Variants in PURB observed in about 807,000 individuals in gnomAD.
PURB encodes the protein purine rich element binding protein B, also known as transcriptional regulator protein Pur-beta.
In PURB, 11 loss-of-function variants were observed where a neutral mutation model predicts 21.1. The ratio of observed to expected loss-of-function variants is 0.52; its 90% confidence interval spans 0.33 to 0.86. The LOEUF (loss-of-function observed/expected upper bound fraction) is 0.86. Among genes scored for constraint, PURB ranks in the 40% least tolerant of loss-of-function variants. The probability of loss-of-function intolerance (pLI) is 0.02; values close to 1 mark genes in which losing one functional copy is unlikely to be tolerated. For synonymous variants in PURB, 246 were observed against 210.8 expected (o/e 1.17, Z -1.45); for missense variants, 357 against 456.5 (o/e 0.78, Z 1.99).
rs1401345116 is a variant in PURB, at chr7:44,884,845, G to A, written c.504C>T (p.Ser168=). 2.6e-6 allele frequency: 4 copies of A among 1,566,596 alleles called. No individual in the cohort carries two copies. Among genetic ancestry groups the A allele is most frequent in the Middle Eastern group, 1.7e-4 (1 of 6,006 alleles). The change falls in exon 1 of 1, where the codon AGC becomes AGT. Residue 168 remains serine (S), a synonymous_variant. Transcript: ENST00000395699. The part of the protein sequence containing the change: ...GAGPGPGGLQ[S]GQTIALPAQG... ...GCGCAGGCAGCGCGATGGTCTGGCCGCTCTGCAAGCCGCCCGGCCCGGGGC... is the reference window on the plus strand; with the variant it reads ...GCGCAGGCAGCGCGATGGTCTGGCCACTCTGCAAGCCGCCCGGCCCGGGGC...
At position 44,884,144 on chromosome 7, in the gene PURB, A is replaced by G. The variant is rs1793920416; in HGVS notation, c.*266T>C. ...ACGAACCTCAGTTGAGAAACAACAGAAGCTGAGACAATTTTACGCAGGTGA... is the reference window on the plus strand; with the variant it reads ...ACGAACCTCAGTTGAGAAACAACAGGAGCTGAGACAATTTTACGCAGGTGA... On this transcript the variant is annotated 3_prime_UTR_variant, in exon 1 of 1. Coordinates refer to ENST00000395699, the MANE Select transcript of PURB (RefSeq NM_033224.5). The G allele has an allele frequency of 4.3e-6, 3 of 702,762 alleles. No individual in the cohort carries two copies. In the East Asian group the frequency reaches 9.1e-5, roughly 21 times the overall value. The allele number at this position is 702,762 out of a possible 1,614,324, so 43.5% of individuals were successfully genotyped here. A position where few individuals can be genotyped will look rare whatever the true frequency, so the allele number is the denominator to read the frequency against.
chr7:44,885,127 C>T lies in PURB; in HGVS notation c.222G>A (p.Thr74=), dbSNP rs768231034. 19 of 1,571,674 alleles carry T rather than the reference C, an allele frequency of 1.2e-5. No individual in the cohort carries two copies. In the South Asian group the frequency reaches 2.0e-4, roughly 16 times the overall value. Residue 74 remains threonine, a synonymous_variant, in exon 1 of 1, where the codon ACG becomes ACA. Coordinates refer to ENST00000395699, the MANE Select transcript of PURB (RefSeq NM_033224.5). ...ACTCGGCGGCCACCGCCATGGACAG[C>T]GTGAGGCGGCTCTTGGAACCGCCCG... ...VGAGGSKSRL[T]LSMAVAAEFR...
In PURB at chr7:44,881,091, G is replaced by C. The variant is rs1028432076; in HGVS notation, c.*3319C>G. The C allele has an allele frequency of 2.6e-5, 4 of 152,428 alleles. No homozygotes were observed. Among genetic ancestry groups the C allele is most frequent in the African/African-American group, 4.8e-5 (2 of 41,428 alleles). The allele number at this position is 152,428 out of a possible 1,614,324, so 9.4% of individuals were successfully genotyped here. Reference sequence around the variant, plus strand: ...CACAGATTTTTATTCTTTTGATTCTGTTCCTAAAATTTGGCTTTTCACCTT... The same window carrying C: ...CACAGATTTTTATTCTTTTGATTCTCTTCCTAAAATTTGGCTTTTCACCTT... On this transcript the variant is annotated 3_prime_UTR_variant, in exon 1 of 1. Transcript: ENST00000395699.
rs557361669 is a variant in PURB, at chr7:44,882,244, A to G, written c.*2166T>C. 1 of 152,680 alleles carries G rather than the reference A, an allele frequency of 6.5e-6. No homozygotes were observed. Among genetic ancestry groups the G allele is most frequent in the Non-Finnish European group, 1.5e-5 (1 of 68,052 alleles). The allele number at this position is 152,680 out of a possible 1,614,324, so 9.5% of individuals were successfully genotyped here. ...AAAACACGTAGGTAAATACAGCAGGACATTATTGAAAAACAGCTGCCTTGT... is the reference window on the plus strand; with the variant it reads ...AAAACACGTAGGTAAATACAGCAGGGCATTATTGAAAAACAGCTGCCTTGT... On this transcript the variant is annotated 3_prime_UTR_variant, in exon 1 of 1. Transcript: ENST00000395699.
At position 44,884,439 on chromosome 7, in the gene PURB, A is replaced by C. The variant is rs1583746673; in HGVS notation, c.910T>G (p.Ser304Ala). 1.2e-6 allele frequency: 2 copies of C among 1,612,886 alleles called. No individual in the cohort carries two copies. Among genetic ancestry groups the C allele is most frequent in the Admixed American group, 1.7e-5 (1 of 59,942 alleles). ...RGGGSGGGEESEGEEVDED is the reference protein window; with the variant it reads ...RGGGSGGGEEAEGEEVDED ...TCCTCATCCACCTCCTCACCCTCTG[A>C]CTCTTCGCCGCCGCCGCTGCCCCCA... The change falls in exon 1 of 1, where the codon TCA becomes GCA. Residue 304 changes from serine to alanine, a missense_variant. By Grantham distance (99) the Ser-to-Ala change is moderately conservative. Transcript: ENST00000395699.
At position 44,878,166 on chromosome 7, in the gene PURB, T is replaced by C. The variant is rs1365871779; in HGVS notation, c.*6244A>G. On this transcript the variant is annotated 3_prime_UTR_variant, in exon 1 of 1. Coordinates refer to ENST00000395699, the MANE Select transcript of PURB (RefSeq NM_033224.5). Reference sequence around the variant, plus strand: ...TGGATATTTTGGAAAAAGTTAGCTATTGAAGTGTTATTTAAGGTAAGGGGG... The same window carrying C: ...TGGATATTTTGGAAAAAGTTAGCTACTGAAGTGTTATTTAAGGTAAGGGGG... 2 of 152,330 alleles carry C rather than the reference T, an allele frequency of 1.3e-5. No individual in the cohort carries two copies. Among genetic ancestry groups the C allele is most frequent in the East Asian group, 3.9e-4 (2 of 5,190 alleles). 9.4% of individuals were successfully genotyped at this position (152,330 alleles called of 1,614,324 possible).
chr7:44,885,034 C>T lies in PURB; in HGVS notation c.315G>A (p.Leu105=), dbSNP rs1270757865. ...AQLGPSSPEQ[L]AAGAEEGGGP... is the part of the protein sequence containing the mutation. ...CGCCGCCCTCCTCGGCGCCAGCCGCCAGCTGCTCGGGGCTGCTAGGGCCCA... is the reference window on the plus strand; with the variant it reads ...CGCCGCCCTCCTCGGCGCCAGCCGCTAGCTGCTCGGGGCTGCTAGGGCCCA... The change falls in exon 1 of 1, where the codon CTG becomes CTA. Residue 105 remains leucine (L), a synonymous_variant. Transcript: ENST00000395699. 9.0e-6 allele frequency: 14 copies of T among 1,551,386 alleles called. No individual in the cohort carries two copies. Among genetic ancestry groups the T allele is most frequent in the Non-Finnish European group, 1.2e-5 (14 of 1,151,358 alleles).
chr7:44,884,706 G>C lies in PURB; in HGVS notation c.643C>G (p.Leu215Val), dbSNP rs777776911. Residue 215 changes from leucine to valine, a missense_variant, in exon 1 of 1, where the codon CTG becomes GTG. By Grantham distance (32) the Leu-to-Val change is conservative (BLOSUM62 1). Coordinates refer to ENST00000395699, the MANE Select transcript of PURB (RefSeq NM_033224.5). ...GTGCCCTCCGGGAGCTCTCCATACAGGCCGCCCCCTGGGCCCCCGGCGCCG... is the reference window on the plus strand; with the variant it reads ...GTGCCCTCCGGGAGCTCTCCATACACGCCGCCCCCTGGGCCCCCGGCGCCG... ...GGGAGGPGGG[L>V]YGELPEGTSI... 14 of 1,613,662 alleles carry C rather than the reference G, an allele frequency of 8.7e-6. No individual in the cohort carries two copies. In the South Asian group the frequency reaches 1.3e-4, roughly 15 times the overall value.
chr7:44,877,188 G>C lies in PURB; in HGVS notation c.*7222C>G, dbSNP rs1793812814. 1 of 152,578 alleles carries C rather than the reference G, an allele frequency of 6.6e-6. No homozygotes were observed. The highest frequency in any genetic ancestry group is 6.5e-5 in the Admixed American group (1 of 15,286). The allele number at this position is 152,578 out of a possible 1,614,324, so 9.5% of individuals were successfully genotyped here. ...AAAGCCACTGGTAGATACTATGATT[G>C]GCAGTGAAGATTCCTATAGAACGGA... is the stretch of plus-strand genomic sequence containing the variant. On this transcript the variant is annotated 3_prime_UTR_variant, in exon 1 of 1. Coordinates refer to ENST00000395699, the MANE Select transcript of PURB (RefSeq NM_033224.5).
rs1368898421 is a variant in PURB, at chr7:44,879,999, T to C, written c.*4411A>G. ...GAACAGGCCTTATGCATGTGACTTT[T>C]AGGGTGTACGAAATTAAAGTTGTTT... On this transcript the variant is annotated 3_prime_UTR_variant, in exon 1 of 1. Transcript: ENST00000395699. 3 of 152,210 alleles carry C rather than the reference T, an allele frequency of 2.0e-5. No individual in the cohort carries two copies. Among genetic ancestry groups the C allele is most frequent in the Admixed American group, 2.0e-4 (3 of 15,272 alleles). The allele number at this position is 152,210 out of a possible 1,614,324, so 9.4% of individuals were successfully genotyped here.
At position 44,885,124 on chromosome 7, in the gene PURB, C is replaced by T. The variant is rs779383572; in HGVS notation, c.225G>A (p.Leu75=). Residue 75 remains leucine (L), a synonymous_variant, in exon 1 of 1, where the codon CTG becomes CTA. Coordinates refer to ENST00000395699, the MANE Select transcript of PURB (RefSeq NM_033224.5). The part of the protein sequence containing the change: ...GAGGSKSRLT[L]SMAVAAEFRD... ...GGAACTCGGCGGCCACCGCCATGGA[C>T]AGCGTGAGGCGGCTCTTGGAACCGC... 55 of 1,571,798 alleles carry T rather than the reference C, an allele frequency of 3.5e-5. No individual in the cohort carries two copies. Among genetic ancestry groups the T allele is most frequent in the Non-Finnish European group, 4.5e-5 (53 of 1,164,934 alleles).
rs766766657 is a variant in PURB, at chr7:44,884,486, T to A, written c.863A>T (p.Asp288Val). ...CCCACCACGTCGCTCATAAAGCTTATCCCTCTGTCGTTCCTGGATTTCTTT... is the reference window on the plus strand; with the variant it reads ...CCCACCACGTCGCTCATAAAGCTTAACCCTCTGTCGTTCCTGGATTTCTTT... ...EMKEIQERQR[D>V]KLYERRGGGS... Residue 288 changes from aspartate to valine, a missense_variant, in exon 1 of 1, where the codon GAT becomes GTT. Physicochemically the swap from Asp to Val is radical, Grantham distance 152 (BLOSUM62 -3). Coordinates refer to ENST00000395699, the MANE Select transcript of PURB (RefSeq NM_033224.5). 6.2e-7 allele frequency: 1 copy of A among 1,613,912 alleles called. No homozygotes were observed. Among genetic ancestry groups the A allele is most frequent in the Non-Finnish European group, 8.5e-7 (1 of 1,179,976 alleles).
rs1200813610 is a variant in PURB at position 44,878,065 on chromosome 7, A to T, written c.*6345T>A. Reference sequence around the variant, plus strand: ...ATTTCTAAATATAAAGATTCTTCCAACCAGCCTGATCTTGCAACTCAGAGT... The same window carrying T: ...ATTTCTAAATATAAAGATTCTTCCATCCAGCCTGATCTTGCAACTCAGAGT... On this transcript the variant is annotated 3_prime_UTR_variant, in exon 1 of 1. Transcript: ENST00000395699. 6.6e-6 allele frequency: 1 copy of T among 152,212 alleles called. No individual in the cohort carries two copies. The highest frequency in any genetic ancestry group is 1.5e-5 in the Non-Finnish European group (1 of 68,032). 9.4% of individuals were successfully genotyped at this position (152,212 alleles called of 1,614,324 possible). A position where few individuals can be genotyped will look rare whatever the true frequency, so the allele number is the denominator to read the frequency against.
rs1793805541 is a variant in PURB at position 44,876,520 on chromosome 7, T to C, written c.*7890A>G. The C allele has an allele frequency of 6.6e-6, 1 of 152,670 alleles. No individual in the cohort carries two copies. Among genetic ancestry groups the C allele is most frequent in the South Asian group, 2.1e-4 (1 of 4,828 alleles). The allele number at this position is 152,670 out of a possible 1,614,324, so 9.5% of individuals were successfully genotyped here. On this transcript the variant is annotated 3_prime_UTR_variant, in exon 1 of 1. Coordinates refer to ENST00000395699, the MANE Select transcript of PURB (RefSeq NM_033224.5). ...CTGAAGCTTCTGACTGTATTCACAT[T>C]GCTCTTTTGAAGCAGCCCTGCTCCT...
chr7:44,880,077 T>C lies in PURB; in HGVS notation c.*4333A>G, dbSNP rs567778276. On this transcript the variant is annotated 3_prime_UTR_variant, in exon 1 of 1. Coordinates refer to ENST00000395699, the MANE Select transcript of PURB (RefSeq NM_033224.5). ...ACCACTATATTCTAAAACCTGAGAT[T>C]GGACATCAAAACAGTCAACTTTGTT... The C allele has an allele frequency of 6.6e-6, 1 of 152,312 alleles. No homozygotes were observed. The highest frequency in any genetic ancestry group is 2.4e-5 in the African/African-American group (1 of 41,570). 9.4% of individuals were successfully genotyped at this position (152,312 alleles called of 1,614,324 possible).
Position 44,884,278 on chromosome 7 carries a change from T to C in PURB, c.*132A>G. The C allele has an allele frequency of 6.8e-7, 1 of 1,469,508 alleles. No homozygotes were observed. Among genetic ancestry groups the C allele is most frequent in the Non-Finnish European group, 9.0e-7 (1 of 1,113,658 alleles). The allele number at this position is 1,469,508 out of a possible 1,614,324, so 91.0% of individuals were successfully genotyped here. On this transcript the variant is annotated 3_prime_UTR_variant, in exon 1 of 1. Transcript: ENST00000395699. Reference sequence around the variant, plus strand: ...TTACGATTATTTCTCTTAACTGTGTTACGTTTTGTTTTTTCCCTCTGCGGC... The same window carrying C: ...TTACGATTATTTCTCTTAACTGTGTCACGTTTTGTTTTTTCCCTCTGCGGC...
Position 44,882,639 on chromosome 7 carries a change from A to G in PURB, c.*1771T>C, listed in dbSNP as rs1583745378. 1 of 152,240 alleles carries G rather than the reference A, an allele frequency of 6.6e-6. No homozygotes were observed. The highest frequency in any genetic ancestry group is 2.4e-5 in the African/African-American group (1 of 41,470). 9.4% of individuals were successfully genotyped at this position (152,240 alleles called of 1,614,324 possible). A position where few individuals can be genotyped will look rare whatever the true frequency, so the allele number is the denominator to read the frequency against. Reference sequence around the variant, plus strand: ...AAAAAGATTGTATAGATTGAATAATACCAAAATAAGATAATAAAAAGGATA... The same window carrying G: ...AAAAAGATTGTATAGATTGAATAATGCCAAAATAAGATAATAAAAAGGATA... On this transcript the variant is annotated 3_prime_UTR_variant, in exon 1 of 1. Coordinates refer to ENST00000395699, the MANE Select transcript of PURB (RefSeq NM_033224.5).
chr7:44,884,753 T>C lies in PURB; in HGVS notation c.596A>G (p.Glu199Gly), dbSNP rs905542341. The C allele has an allele frequency of 6.2e-7, 1 of 1,610,876 alleles. No individual in the cohort carries two copies. Among genetic ancestry groups the C allele is most frequent in the Admixed American group, 1.7e-5 (1 of 59,724 alleles). The change falls in exon 1 of 1, where the codon GAG (glutamate) becomes GGG (glycine). Residue 199 changes from glutamate to glycine, a missense_variant. Transcript: ENST00000395699. ...LIDDYGGEDD[E>G]LAGGPGGGAG... is the part of the protein sequence containing the mutation. ...GCCGCCTCCCGGGCCGCCTGCCAGC[T>C]CGTCGTCCTCGCCTCCGTAGTCGTC...
rs55678243 is a variant in PURB at position 44,882,018 on chromosome 7, A to G, written c.*2392T>C. On this transcript the variant is annotated 3_prime_UTR_variant, in exon 1 of 1. Coordinates refer to ENST00000395699, the MANE Select transcript of PURB (RefSeq NM_033224.5). ...CAACAGAACCACCACTGAAGCAAGA[A>G]AACAAGTTGGTCTATACAAGAATTG... The G allele has an allele frequency of 5.2e-5, 8 of 153,028 alleles. No individual in the cohort carries two copies. The highest frequency in any genetic ancestry group is 9.6e-5 in the African/African-American group (4 of 41,604). 9.5% of individuals were successfully genotyped at this position (153,028 alleles called of 1,614,324 possible). A position where few individuals can be genotyped will look rare whatever the true frequency, so the allele number is the denominator to read the frequency against.
Sources: allele counts gnomAD v4.1 joint callset, GRCh38; gene constraint gnomAD v4.1.1; transcripts MANE v1.5; gene names NCBI Gene and HGNC (gene_info 2026-07-23, HGNC 2026-07-21).